The following PCOLCE2 variants were observed in gnomAD, a reference collection of about 807,000 sequenced individuals.
The protein encoded by PCOLCE2 is procollagen C-proteinase enhancer 2.
A neutral mutation model predicts 47.0 loss-of-function variants in PCOLCE2; 42 were observed. The ratio of observed to expected loss-of-function variants is 0.89; its 90% CI spans 0.70 to 1.16. PCOLCE2 has a LOEUF of 1.16. Among genes scored for constraint, PCOLCE2 ranks in the 50% most tolerant of loss-of-function variants. The pLI, the probability that PCOLCE2 is intolerant of heterozygous loss-of-function variation, is 0.00. For synonymous variants in PCOLCE2, 169 were observed against 191.7 expected (o/e 0.88, Z 0.98); for missense variants, 500 against 526.1 (o/e 0.95, Z 0.49).
At chr3:142,819,425 T>C (rs1936987910) in intron 8 of PCOLCE2, among the ~76,000 whole-genome samples, 1 of 152,196 alleles carries the variant, frequency 6.6e-6, no homozygotes, top group African/African-American at 2.4e-5. Flanking sequence ...TGTGAGAGCC[T>C]GAGAGTCTGG....
At chr3:142,870,395 A>C (rs1933366281) in intron 2 of PCOLCE2, among the ~76,000 whole-genome samples, 1 of 152,204 alleles carries the variant, frequency 6.6e-6, no homozygotes, top group Non-Finnish European at 1.5e-5. Context: ...TTAGCTCTAG[A>C]AAGTATTTTT....
chr3:142,881,865 T>C (rs900263925), intron 2 of PCOLCE2, among the ~76,000 whole-genome samples: 5 of 152,240 alleles, frequency 3.3e-5, no homozygotes, highest in African/African-American at 1.2e-4. Flanking sequence ...AAGATCTTTC[T>C]ATGTAAGACA....
At chr3:142,833,296 C>T (rs1341152700) in intron 5 of PCOLCE2, among the ~76,000 whole-genome samples, 2 of 152,074 alleles carry the variant, frequency 1.3e-5, no homozygotes, top group African/African-American at 4.8e-5. Flanking sequence ...TCAAGGGAAC[C>T]TCCCACCTCA....
Position 142,842,782 on chromosome 3 carries a change from C to A in PCOLCE2, c.573+142G>T. 1 of 746,584 alleles carries A rather than the reference C, an allele frequency of 1.3e-6. No individual in the cohort carries two copies. Among genetic ancestry groups the A allele is most frequent in the East Asian group, 2.6e-5 (1 of 38,298 alleles). 46.2% of individuals were successfully genotyped at this position (746,584 alleles called of 1,614,324 possible). ...TCTGGGGTCTTCGCATGAAGAAATA[C>A]CTGTGTCCAGGAACCTTCCTCTTCT... is the stretch of plus-strand genomic sequence containing the variant. On this transcript the variant is annotated intron_variant, in intron 4 of 8. Coordinates refer to ENST00000295992, the MANE Select transcript of PCOLCE2 (RefSeq NM_013363.4). The surrounding 1 kb of genome is among the most constrained non-coding windows in gnomAD (Gnocchi z 4.1).
chr3:142,883,283 G>C (rs1417205407), intron 2 of PCOLCE2, among the ~76,000 whole-genome samples: 1 of 151,486 alleles, frequency 6.6e-6, no homozygotes, highest in Non-Finnish European at 1.5e-5. Flanking sequence ...GAAGATTCTA[G>C]GCTTTAAGTT....
At chr3:142,855,542 T>C (rs916671364) in intron 2 of PCOLCE2, among the ~76,000 whole-genome samples, 9 of 152,144 alleles carry the variant, frequency 5.9e-5, no homozygotes, top group Non-Finnish European at 1.2e-4. Flanking sequence ...TGCTGTGTTT[T>C]TCCATGACCT....
Position 142,841,492 on chromosome 3 carries a change from A to G in PCOLCE2, c.573+1432T>C, listed in dbSNP as rs529403384. On this transcript the variant is annotated intron_variant, in intron 4 of 8. Coordinates refer to ENST00000295992, the MANE Select transcript of PCOLCE2 (RefSeq NM_013363.4). ...TATATTTACAAATGTCACAGAGAAA[A>G]TGATCAATATAATTTCAAGAATTAC... Among the ~76,000 whole-genome samples, 215 of 152,346 alleles carry G rather than the reference A, an allele frequency of 1.4e-3. 2 individuals are homozygous for G. Among genetic ancestry groups the G allele is most frequent in the Middle Eastern group, 6.9e-3 (2 of 290 alleles).
chr3:142,883,622 T>C (rs1346676509), intron 2 of PCOLCE2, among the ~76,000 whole-genome samples: 1 of 151,862 alleles, frequency 6.6e-6, no homozygotes, highest in African/African-American at 2.4e-5. Flanking sequence ...TTTCACCACG[T>C]TGGCCAGGCT....
At chr3:142,827,605 C>T in intron 6 of PCOLCE2, 1 of 1,474,208 alleles carries the variant, frequency 6.8e-7, no homozygotes, top group Non-Finnish European at 9.5e-7. Flanking sequence ...TGCCGCAATA[C>T]ACAAACTGGC....
At position 142,848,471 on chromosome 3, in the gene PCOLCE2, AC is replaced by A. The variant is rs770014911; in HGVS notation, c.193del (p.Val65PhefsTer6). The A allele has an allele frequency of 1.4e-5, 23 of 1,593,748 alleles. No homozygotes were observed. The South Asian group carries it at 2.4e-4, about 17-fold the overall frequency. ...GAGAACGACTACTTTTCCTTCGGGA[AC>A]CTGCCAAGAAAAGCGCCAATTAGAA... is the stretch of plus-strand genomic sequence containing the variant. ...PNSKCTWKIT[V>X]PEGKVVVLNF... On this transcript the variant is annotated frameshift_variant and splice_region_variant, in exon 3 of 9. Transcript: ENST00000295992. LOFTEE classifies it high-confidence loss of function.
At position 142,818,401 on chromosome 3, in the gene PCOLCE2, G is replaced by A; in HGVS notation, c.1182C>T (p.Ser394=). ...EDGRGKIMPN[S]FIMMFKTKNQ... ...TCTTGGTCTTGAACATCATGATAAA[G>A]CTGTTTGGCATGATTTTGCCTCGCC... The change falls in exon 9 of 9, where the codon AGC becomes AGT. Residue 394 remains serine (S), a synonymous_variant. Transcript: ENST00000295992. 11 of 1,612,468 alleles carry A rather than the reference G, an allele frequency of 6.8e-6. No individual in the cohort carries two copies. The highest frequency in any genetic ancestry group is 9.3e-6 in the Non-Finnish European group (11 of 1,178,670).
intron 7 of PCOLCE2, among the ~76,000 whole-genome samples, chr3:142,821,862 G>A (rs1244993612): frequency 6.6e-6 from 1 of 151,968 alleles, no homozygotes; most frequent in South Asian, 2.1e-4. Context: ...CTGGGGGCTT[G>A]AGCAAGGACA....
At chr3:142,861,057 C>A (rs1444387608) in intron 2 of PCOLCE2, among the ~76,000 whole-genome samples, 1 of 152,222 alleles carries the variant, frequency 6.6e-6, no homozygotes, top group African/African-American at 2.4e-5. Context: ...TCAGATAGTA[C>A]ACCTCTGAAA....
At chr3:142,837,610 G>C (rs1937219132) in intron 5 of PCOLCE2, among the ~76,000 whole-genome samples, 1 of 152,202 alleles carries the variant, frequency 6.6e-6, no homozygotes, top group Non-Finnish European at 1.5e-5. Flanking sequence ...ATGGTGACTT[G>C]AAGGCAAGCT....
intron 2 of PCOLCE2, chr3:142,887,203 C>G (rs1280900778): frequency 1.3e-5 from 2 of 152,624 alleles, no homozygotes; most frequent in African/African-American, 4.8e-5. Flanking sequence ...TGGTTTCAAC[C>G]CAGGAACATT....
At chr3:142,874,766 T>C (rs980281609) in intron 2 of PCOLCE2, among the ~76,000 whole-genome samples, 1 of 152,208 alleles carries the variant, frequency 6.6e-6, no homozygotes, top group Non-Finnish European at 1.5e-5. Context: ...GGCCTTGGCC[T>C]TAAGAGATTT....
At chr3:142,843,211 C>G in intron 3 of PCOLCE2, 163 bp from the exon 4 acceptor site, 1 of 706,548 alleles carries the variant, frequency 1.4e-6, no homozygotes, top group South Asian at 1.5e-5. Context: ...ACATACATAA[C>G]CCCCCAACAC....
intron 3 of PCOLCE2, 109 bp from the exon 4 acceptor site, chr3:142,843,157 A>C (rs1357870649): frequency 9.5e-7 from 1 of 1,050,438 alleles, no homozygotes; most frequent in Non-Finnish European, 1.5e-6. Flanking sequence ...CAGTAAATAA[A>C]GGCAACAGCA....
chr3:142,848,762 G>C (rs1004169726), intron 2 of PCOLCE2, among the ~76,000 whole-genome samples: 1 of 152,146 alleles, frequency 6.6e-6, no homozygotes, highest in African/African-American at 2.4e-5. Context: ...TAATAGATGA[G>C]TCATTGCTTA....
Sources: allele counts gnomAD v4.1 joint callset (sites outside exome capture counted in the v4.1 genomes callset), GRCh38; gene constraint gnomAD v4.1.1; non-coding constraint Gnocchi (gnomAD v3.1); transcripts MANE v1.5; gene names NCBI Gene and HGNC (gene_info 2026-07-23, HGNC 2026-07-21).